ERC1: variants seen among roughly 807,000 people sequenced by gnomAD.
ERC1 encodes the protein ELKS/RAB6-interacting/CAST family member 1, also known as RAB6 interacting protein 2.
ERC1 carries 56 observed loss-of-function variants against 132.0 expected under a neutral mutation model. That is an observed-to-expected ratio of 0.42 (90% CI 0.34 to 0.53). The LOEUF is 0.53. Ranked by LOEUF, ERC1 falls within the 20% of genes least tolerant of loss-of-function variation. The pLI, the probability that ERC1 is intolerant of heterozygous loss-of-function variation, is 0.03. For missense variants in ERC1, 1,202 were observed against 1,349.9 expected, an observed-to-expected ratio of 0.89 and a Z score of 1.72; for synonymous variants, 478 against 476.1, an observed-to-expected ratio of 1.00 and a Z score of -0.05.
At chr12:1,386,437 CAA>C (rs879477304) in intron 16 of ERC1, 2 of 150,322 alleles carry the variant, frequency 1.3e-5, no homozygotes, top group Non-Finnish European at 3.0e-5. Flanking sequence ...CACTTGAGGT[CAA>C]GAGTTTGAGA....
At chr12:1,407,217 A>G (rs1370054856) in intron 16 of ERC1, among the ~76,000 whole-genome samples, 2 of 152,194 alleles carry the variant, frequency 1.3e-5, no homozygotes, top group Non-Finnish European at 2.9e-5. Flanking sequence ...GAAGGATTTC[A>G]GAACTTTTAA....
chr12:1,328,658 C>T (rs971841425), intron 15 of ERC1, among the ~76,000 whole-genome samples: 3 of 151,718 alleles, frequency 2.0e-5, no homozygotes, highest in Admixed American at 2.0e-4. Flanking sequence ...CCTTTCTCCC[C>T]CCTCCCCTTT....
chr12:1,438,954 A>AATAT (rs1555093207), intron 17 of ERC1, among the ~76,000 whole-genome samples: 8 of 143,492 alleles, frequency 5.6e-5, no homozygotes, highest in East Asian at 2.0e-4. Context: ...TTTAAAAAAA[A>AATAT]ATATATATAT....
chr12:1,221,318 C>T (rs1958961681), intron 12 of ERC1, among the ~76,000 whole-genome samples: 1 of 152,164 alleles, frequency 6.6e-6, no homozygotes, highest in Non-Finnish European at 1.5e-5. Flanking sequence ...AAACAGTCCT[C>T]ATCTCAGATC....
At chr12:1,471,825 C>G (rs564680389) in intron 18 of ERC1, among the ~76,000 whole-genome samples, 2 of 152,314 alleles carry the variant, frequency 1.3e-5, no homozygotes, top group African/African-American at 4.8e-5. Context: ...GTAGGGGAGA[C>G]TTCCTCTTTT....
At chr12:1,288,193 G>A (rs1294466952) in intron 14 of ERC1, among the ~76,000 whole-genome samples, 2 of 152,154 alleles carry the variant, frequency 1.3e-5, no homozygotes, top group East Asian at 1.9e-4. Flanking sequence ...CTGATAAAAT[G>A]GAATCAATGG....
chr12:1,394,678 C>T (rs190586940), intron 16 of ERC1, among the ~76,000 whole-genome samples: 6 of 152,334 alleles, frequency 3.9e-5, no homozygotes, highest in Admixed American at 6.5e-5. Context: ...TGCTCTCACT[C>T]TCTCCTGCCA....
Position 1,495,049 on chromosome 12 carries a change from G to A in ERC1, c.*4819G>A, listed in dbSNP as rs2094347298. The A allele has an allele frequency of 4.4e-6, 1 of 229,000 alleles. No homozygotes were observed. Among genetic ancestry groups the A allele is most frequent in the African/African-American group, 2.2e-5 (1 of 45,102 alleles). 14.2% of individuals were successfully genotyped at this position (229,000 alleles called of 1,614,324 possible). A position where few individuals can be genotyped will look rare whatever the true frequency, so the allele number is the denominator to read the frequency against. ...GTTGTGCCAGGATTTTCCTATACAT[G>A]TTCAGGACCTCTGGGTAGAGGTTTC... On this transcript the variant is annotated 3_prime_UTR_variant, in exon 19 of 19. Coordinates refer to ENST00000360905, the MANE Select transcript of ERC1 (RefSeq NM_178040.4).
chr12:1,272,946 TAAAAAAAA>T (rs56750908), intron 14 of ERC1, among the ~76,000 whole-genome samples: 4 of 87,800 alleles, frequency 4.6e-5, no homozygotes, highest in African/African-American at 1.5e-4. Flanking sequence ...AGACTCCGTC[TAAAAAAAA>T]AAAAAAAAAA....
chr12:1,175,465 C>CA (rs57139834), intron 8 of ERC1, among the ~76,000 whole-genome samples: 51,352 of 141,992 alleles, frequency 0.36, 9,172 homozygotes, highest in Middle Eastern at 0.42. Context: ...GATTCTGTCT[C>CA]AAAAAAAAAA....
intron 18 of ERC1, among the ~76,000 whole-genome samples, chr12:1,482,658 G>A (rs1044493333): frequency 2.0e-5 from 3 of 151,984 alleles, no homozygotes; most frequent in African/African-American, 7.2e-5. Flanking sequence ...TGTTGGGTAG[G>A]CTGGTCTCGA....
At chr12:1,292,938 A>G (rs1372825962) in intron 15 of ERC1, among the ~76,000 whole-genome samples, 1 of 152,010 alleles carries the variant, frequency 6.6e-6, no homozygotes, top group Non-Finnish European at 1.5e-5. Context: ...CAAGGTCAGG[A>G]GTTTGAGACC....
At position 1,007,480 on chromosome 12, in the gene ERC1, CTCTCTCTCTCTCTT is replaced by C. The variant is rs1228129492; in HGVS notation, c.-157+16171_-157+16184del. Among the ~76,000 whole-genome samples the C allele has an allele frequency of 8.1e-5, 12 of 147,578 alleles. No homozygotes were observed. In the South Asian group the frequency reaches 2.3e-3, roughly 28 times the overall value. ...ATTCATTCTCTCTCTCTCTCTCTCTCTCTCTCTCTCTCTTTCTCTCTCTCTCACTGGGTAATTCT... is the reference window on the plus strand; with the variant it reads ...ATTCATTCTCTCTCTCTCTCTCTCTCTCTCTCTCTCTCACTGGGTAATTCT... On this transcript the variant is annotated intron_variant, in intron 1 of 18. Coordinates refer to ENST00000360905, the MANE Select transcript of ERC1 (RefSeq NM_178040.4).
At position 1,225,449 on chromosome 12, in the gene ERC1, T is replaced by TAAAACACACACACAC. The variant is rs139203394; in HGVS notation, c.2352-11319_2352-11318insAAACACACACACACA. ...AGGACAACAAAATGAGGCTGTCTCT[T>TAAAACACACACACAC]ACACACACACACACACACACACACA... On this transcript the variant is annotated intron_variant, in intron 12 of 18. Transcript: ENST00000360905. 4.5e-3 allele frequency among the ~76,000 whole-genome samples: 590 copies of TAAAACACACACACAC among 131,828 alleles called. 6 individuals are homozygous for TAAAACACACACACAC. The highest frequency in any genetic ancestry group is 0.015 in the Middle Eastern group (4 of 260). The allele number at this position is 131,828 out of a possible 152,430, so 86.5% of individuals were successfully genotyped here.
rs535261501 is a variant in ERC1 at position 1,256,813 on chromosome 12, T to C, written c.2488-6221T>C. 2.6e-4 allele frequency among the ~76,000 whole-genome samples: 39 copies of C among 150,854 alleles called. 1 individual carries two copies. Among genetic ancestry groups the C allele is most frequent in the Admixed American group, 9.3e-4 (14 of 15,114 alleles). ...GGTATGTTTGGGTTCCATTTTAATA[T>C]AGTCTCATACCAACAGCTGTGTTTT... On this transcript the variant is annotated intron_variant, in intron 13 of 18. Coordinates refer to ENST00000360905, the MANE Select transcript of ERC1 (RefSeq NM_178040.4).
chr12:1,167,152 C>G (rs933662580), intron 8 of ERC1, among the ~76,000 whole-genome samples: 1 of 152,158 alleles, frequency 6.6e-6, no homozygotes. Flanking sequence ...GGTCAGATCC[C>G]TCTTCTGACA....
chr12:1,385,947 A>G (rs2089287796), intron 16 of ERC1: 1 of 152,202 alleles, frequency 6.6e-6, no homozygotes, highest in African/African-American at 2.4e-5. Flanking sequence ...AGGAAAAGAA[A>G]AAACATGAGC....
At chr12:1,402,452 C>T (rs776309729) in intron 16 of ERC1, among the ~76,000 whole-genome samples, 1 of 150,614 alleles carries the variant, frequency 6.6e-6, no homozygotes, top group African/African-American at 2.4e-5. Flanking sequence ...ATCGCTTGAA[C>T]CCGGAGGTTG....
At chr12:1,286,740 G>A (rs977413055) in intron 14 of ERC1, among the ~76,000 whole-genome samples, 2 of 152,094 alleles carry the variant, frequency 1.3e-5, no homozygotes, top group African/African-American at 4.8e-5. Context: ...TCCGTAATCT[G>A]CACTGAACAG....
Sources: allele counts gnomAD v4.1 joint callset (sites outside exome capture counted in the v4.1 genomes callset), GRCh38; gene constraint gnomAD v4.1.1; transcripts MANE v1.5; gene names NCBI Gene and HGNC (gene_info 2026-07-23, HGNC 2026-07-21).